Variants in SLIT2 observed in about 807,000 individuals in gnomAD.
SLIT2 encodes the protein slit guidance ligand 2, also known as slit homolog 2 protein.
Under a neutral mutation model 185.7 loss-of-function variants are expected in SLIT2, and 41 were observed. The ratio of observed to expected loss-of-function variants is 0.22; its 90% CI spans 0.17 to 0.29. The LOEUF (loss-of-function observed/expected upper bound fraction) is 0.29. SLIT2 is among the 10% of genes least tolerant of loss of function. The pLI is 1.00. For missense variants in SLIT2, 1,571 were observed against 1,909.0 expected, an observed-to-expected ratio of 0.82 and a Z score of 3.30; for synonymous variants, 693 against 680.2, an observed-to-expected ratio of 1.02 and a Z score of -0.29.
chr4:20,585,954 AT>A (rs1727023897), intron 29 of SLIT2, among the ~76,000 whole-genome samples: 1 of 152,224 alleles, frequency 6.6e-6, no homozygotes, highest in Non-Finnish European at 1.5e-5. Context: ...CTAAAAATAC[AT>A]TAGCTGACTA....
At chr4:20,606,961 T>C (rs1578014458) in intron 33 of SLIT2, among the ~76,000 whole-genome samples, 2 of 152,320 alleles carry the variant, frequency 1.3e-5, no homozygotes, top group East Asian at 3.9e-4. Context: ...ATTGTAAAAG[T>C]AGTGCATAAT....
intron 11 of SLIT2, among the ~76,000 whole-genome samples, chr4:20,518,127 AC>A (rs1720391521): frequency 7.0e-6 from 1 of 143,090 alleles, no homozygotes; most frequent in African/African-American, 2.7e-5. Context: ...ACATATATAT[AC>A]ATATACATAT....
intron 4 of SLIT2, among the ~76,000 whole-genome samples, chr4:20,419,301 A>C (rs886460204): frequency 6.6e-6 from 1 of 152,146 alleles, no homozygotes; most frequent in African/African-American, 2.4e-5. Context: ...AAATTATTTT[A>C]ATAAAAATGT....
chr4:20,279,443 C>A (rs775887641), intron 4 of SLIT2, among the ~76,000 whole-genome samples: 23 of 152,150 alleles, frequency 1.5e-4, no homozygotes, highest in Non-Finnish European at 2.9e-4. Flanking sequence ...GCCTCAGCTC[C>A]TCTACTAAAG....
chr4:20,523,202 A>G (rs1229912358), intron 12 of SLIT2, among the ~76,000 whole-genome samples: 1 of 152,130 alleles, frequency 6.6e-6, no homozygotes, highest in Non-Finnish European at 1.5e-5. Flanking sequence ...AACAGCCAGG[A>G]GGAGAGAACT....
chr4:20,494,969 G>T (rs1261341031), intron 9 of SLIT2, among the ~76,000 whole-genome samples: 1 of 152,038 alleles, frequency 6.6e-6, no homozygotes, highest in Non-Finnish European at 1.5e-5. Flanking sequence ...ACAGCAGAGG[G>T]CTCTAATAAG....
chr4:20,457,458 C>T (rs1453827597), intron 4 of SLIT2, among the ~76,000 whole-genome samples: 1 of 151,804 alleles, frequency 6.6e-6, no homozygotes, highest in African/African-American at 2.4e-5. Flanking sequence ...GAGAGAGAAG[C>T]ATGTGCAAAC....
At chr4:20,271,517 A>G (rs1713611492) in intron 4 of SLIT2, among the ~76,000 whole-genome samples, 1 of 147,504 alleles carries the variant, frequency 6.8e-6, no homozygotes, top group African/African-American at 2.5e-5. Context: ...AGCAAGCCAT[A>G]GTTGCCCCTA....
chr4:20,319,171 T>C (rs1718839734), intron 4 of SLIT2, among the ~76,000 whole-genome samples: 1 of 152,210 alleles, frequency 6.6e-6, no homozygotes, highest in Non-Finnish European at 1.5e-5. Flanking sequence ...CAATGTGCTG[T>C]ACCTAACATA....
chr4:20,488,751 A>C (rs1717495166), intron 7 of SLIT2, 68 bp from the exon 8 acceptor site: 2 of 1,099,336 alleles, frequency 1.8e-6, no homozygotes, highest in East Asian at 4.9e-5. Flanking sequence ...GTTAAGAAAT[A>C]CAGGTATATA....
intron 4 of SLIT2, among the ~76,000 whole-genome samples, chr4:20,420,490 A>C (rs575988009): frequency 2.0e-5 from 3 of 152,282 alleles, no homozygotes; most frequent in African/African-American, 7.2e-5. Flanking sequence ...AATATATTTT[A>C]TTTATTTAAC....
chr4:20,465,786 A>G (rs1270491910), intron 4 of SLIT2, among the ~76,000 whole-genome samples: 1 of 151,950 alleles, frequency 6.6e-6, no homozygotes, highest in Non-Finnish European at 1.5e-5. Context: ...CGCCCAGCCC[A>G]CTCTACTTCC....
chr4:20,268,766 G>T (rs773509005), intron 3 of SLIT2, 44 bp from the exon 4 acceptor site: 3 of 1,204,130 alleles, frequency 2.5e-6, no homozygotes, highest in Non-Finnish European at 2.5e-6. Flanking sequence ...TCATTGTTGG[G>T]TATTTTCTAT....
At chr4:20,413,675 T>G (rs1727430530) in intron 4 of SLIT2, among the ~76,000 whole-genome samples, 1 of 152,114 alleles carries the variant, frequency 6.6e-6, no homozygotes, top group Non-Finnish European at 1.5e-5. Flanking sequence ...TTGATCATTT[T>G]CTAATTATGA....
chr4:20,388,893 T>TATATAATATATAATATATATAATATA (rs1560379388), intron 4 of SLIT2, among the ~76,000 whole-genome samples: 7 of 145,828 alleles, frequency 4.8e-5, no homozygotes, highest in African/African-American at 1.7e-4. Context: ...TAAAACATAA[T>TATATAATATATAATATATATAATATA]ATATATAATA....
In SLIT2 at chr4:20,511,049, C is replaced by T. The variant is rs772037740; in HGVS notation, c.987-17C>T. ...GACATTTGATTGAATGTAACCTAAC[C>T]CTATTTCTAATCTTAGTGACCTGAG... On this transcript the variant is annotated splice_polypyrimidine_tract_variant and intron_variant, in intron 10 of 36. Transcript: ENST00000504154. The T allele has an allele frequency of 1.3e-6, 2 of 1,529,012 alleles. No homozygotes were observed. The highest frequency in any genetic ancestry group is 1.1e-5 in the South Asian group (1 of 89,090). The allele number at this position is 1,529,012 out of a possible 1,614,324, so 94.7% of individuals were successfully genotyped here.
intron 4 of SLIT2, among the ~76,000 whole-genome samples, chr4:20,279,314 G>A (rs10516347): frequency 0.036 from 5,492 of 152,130 alleles, 253 homozygotes; most frequent in East Asian, 0.1. Flanking sequence ...CCTCTTCAAC[G>A]TTATCATGCT....
At chr4:20,579,301 GAA>G (rs574131534) in intron 29 of SLIT2, among the ~76,000 whole-genome samples, 1 of 129,046 alleles carries the variant, frequency 7.7e-6, no homozygotes. Context: ...TCCGTCTAGG[GAA>G]AAAAAAAAAA....
chr4:20,522,212 T>G (rs777689012), intron 12 of SLIT2, among the ~76,000 whole-genome samples: 2 of 152,242 alleles, frequency 1.3e-5, no homozygotes, highest in South Asian at 2.1e-4. Flanking sequence ...GTTTCCACTC[T>G]GAATGTAAGA....
Sources: gnomAD v4.1 joint callset for allele counts (sites outside exome capture counted in the v4.1 genomes callset) on GRCh38, gnomAD v4.1.1 for gene constraint, MANE v1.5 for transcripts, NCBI Gene and HGNC (gene_info 2026-07-23, HGNC 2026-07-21) for gene names.